The following RNF144B variants were observed in gnomAD, a reference collection of about 807,000 sequenced individuals.
The protein encoded by RNF144B is ring finger protein 144B, also known as E3 ubiquitin-protein ligase RNF144B.
Under a neutral mutation model 40.2 loss-of-function variants are expected in RNF144B, and 25 were observed. That is an observed-to-expected ratio of 0.62 (90% CI 0.45 to 0.87). The LOEUF is 0.87. RNF144B is among the 40% of genes least tolerant of loss of function. The pLI, the probability that RNF144B is intolerant of heterozygous loss-of-function variation, is 0.00. For synonymous variants in RNF144B, 145 were observed against 136.3 expected, an observed-to-expected ratio of 1.06 and a Z score of -0.44; for missense variants, 365 against 373.7, an observed-to-expected ratio of 0.98 and a Z score of 0.19.
In RNF144B at chr6:18,442,681, A is replaced by G. The variant is rs760514389; in HGVS notation, c.331+2937A>G. Among the ~76,000 whole-genome samples the G allele has an allele frequency of 3.9e-5, 6 of 152,174 alleles. No homozygotes were observed. Among genetic ancestry groups the G allele is most frequent in the Non-Finnish European group, 5.9e-5 (4 of 68,024 alleles). ...GCTCTTTCATGATCCCAAATTCTGT[A>G]GCCATTAACCAATAAGTCCTTATTC... On this transcript the variant is annotated intron_variant, in intron 4 of 7. Transcript: ENST00000259939. The surrounding 1 kb of genome is among the most constrained non-coding windows in gnomAD (Gnocchi z 4.3).
chr6:18,387,805 A>G (rs567564668), intron 1 of RNF144B, among the ~76,000 whole-genome samples, 175 bp downstream of exon 1: 2 of 152,228 alleles, frequency 1.3e-5, no homozygotes, highest in African/African-American at 4.8e-5. Flanking sequence ...ACACCTGTTA[A>G]CTTAGAAGAA....
intron 3 of RNF144B, among the ~76,000 whole-genome samples, chr6:18,433,420 A>G (rs562829291): frequency 2.9e-4 from 44 of 152,246 alleles, no homozygotes; most frequent in Admixed American, 2.0e-4. Context: ...TTGTTTTAAA[A>G]TGTACTTAAA....
intron 4 of RNF144B, among the ~76,000 whole-genome samples, chr6:18,449,784 C>T (rs1759169299): frequency 6.6e-6 from 1 of 151,786 alleles, no homozygotes; most frequent in South Asian, 2.1e-4. Flanking sequence ...GTGGTGAAAA[C>T]ATTTTACATC....
At position 18,440,795 on chromosome 6, in the gene RNF144B, G is replaced by GTT. The variant is rs11393909; in HGVS notation, c.331+1064_331+1065dup. On this transcript the variant is annotated intron_variant, in intron 4 of 7. Coordinates refer to ENST00000259939, the MANE Select transcript of RNF144B (RefSeq NM_182757.4). ...ATAACACTGACTTTGTTTTTGTGGT[G>GTT]TTTTTTTTTTTTTTAAAAATCCAGC... 3.0e-3 allele frequency among the ~76,000 whole-genome samples: 338 copies of GTT among 113,274 alleles called. 3 individuals carry two copies. In the East Asian group the frequency reaches 0.042, roughly 14 times the overall value. The allele number at this position is 113,274 out of a possible 152,430, so 74.3% of individuals were successfully genotyped here. A position where few individuals can be genotyped will look rare whatever the true frequency, so the allele number is the denominator to read the frequency against.
At position 18,465,027 on chromosome 6, in the gene RNF144B, G is replaced by A; in HGVS notation, c.872G>A (p.Cys291Tyr). 4 of 1,613,800 alleles carry A rather than the reference G, an allele frequency of 2.5e-6. No homozygotes were observed. Among genetic ancestry groups the A allele is most frequent in the Non-Finnish European group, 2.5e-6 (3 of 1,179,926 alleles). Reference sequence around the variant, plus strand: ...ATAATCTGTTGTGTCTGCAAGTCCTGTCGGGGCAAGAAGAAAAAGCACGAC... The same window carrying A: ...ATAATCTGTTGTGTCTGCAAGTCCTATCGGGGCAAGAAGAAAAAGCACGAC... ...PCIICCVCKS[C>Y]RGKKKKHDPS... is the part of the protein sequence containing the mutation. The change falls in exon 8 of 8, where the codon TGT (cysteine) becomes TAT (tyrosine). Residue 291 changes from cysteine to tyrosine, a missense_variant. Coordinates refer to ENST00000259939, the MANE Select transcript of RNF144B (RefSeq NM_182757.4).
At position 18,444,017 on chromosome 6, in the gene RNF144B, AT is replaced by A. The variant is rs2113520296; in HGVS notation, c.331+4274del. Among the ~76,000 whole-genome samples the A allele has an allele frequency of 6.6e-6, 1 of 152,306 alleles. No individual in the cohort carries two copies. Among genetic ancestry groups the A allele is most frequent in the Admixed American group, 6.5e-5 (1 of 15,302 alleles). On this transcript the variant is annotated intron_variant, in intron 4 of 7. Coordinates refer to ENST00000259939, the MANE Select transcript of RNF144B (RefSeq NM_182757.4). This position sits in a 1 kb window ranked among gnomAD's most constrained non-coding sequence, Gnocchi z 4.3. ...CAGTACTATTTCTTAGTTATAAAAA[AT>A]CATCCTTAGTTTTTTCCAATTCTTA...
In RNF144B at chr6:18,450,644, T is replaced by G. The variant is rs2113527710; in HGVS notation, c.332-6511T>G. ...TTAATACTTCCACCATGGCTAATTT[T>G]AAGCTACCAAGGTAATGTCACTGAA... On this transcript the variant is annotated intron_variant, in intron 4 of 7. Coordinates refer to ENST00000259939, the MANE Select transcript of RNF144B (RefSeq NM_182757.4). The surrounding 1 kb of genome is among the most constrained non-coding windows in gnomAD (Gnocchi z 4.7). Among the ~76,000 whole-genome samples the G allele has an allele frequency of 6.6e-6, 1 of 152,332 alleles. No individual in the cohort carries two copies. Among genetic ancestry groups the G allele is most frequent in the African/African-American group, 2.4e-5 (1 of 41,572 alleles).
In RNF144B at chr6:18,460,211, T is replaced by C. The variant is rs1259018349; in HGVS notation, c.681+460T>C. ...GGCTTTAGGGGAGAATCTGTTTTCT[T>C]GCCTTGGAGGCTGTCCGCTTTCCTT... On this transcript the variant is annotated intron_variant, in intron 6 of 7. Coordinates refer to ENST00000259939, the MANE Select transcript of RNF144B (RefSeq NM_182757.4). This position sits in a 1 kb window ranked among gnomAD's most constrained non-coding sequence, Gnocchi z 4.4. Among the ~76,000 whole-genome samples the C allele has an allele frequency of 1.3e-5, 2 of 152,204 alleles. No individual in the cohort carries two copies.
At chr6:18,389,787 T>G (rs371733343) in intron 1 of RNF144B, among the ~76,000 whole-genome samples, 5 of 152,210 alleles carry the variant, frequency 3.3e-5, no homozygotes, top group African/African-American at 1.2e-4. Flanking sequence ...TGCTTTTCAC[T>G]TGGACTTTGG....
chr6:18,403,843 A>C (rs1183686957), intron 2 of RNF144B, among the ~76,000 whole-genome samples: 1 of 152,226 alleles, frequency 6.6e-6, no homozygotes, highest in Non-Finnish European at 1.5e-5. Flanking sequence ...ACAGCAGAGA[A>C]GGTCAAAGGG....
At position 18,442,384 on chromosome 6, in the gene RNF144B, C is replaced by T. The variant is rs1208854053; in HGVS notation, c.331+2640C>T. Among the ~76,000 whole-genome samples, 8 of 152,080 alleles carry T rather than the reference C, an allele frequency of 5.3e-5. No homozygotes were observed. The highest frequency in any genetic ancestry group is 5.2e-4 in the Admixed American group (8 of 15,270). On this transcript the variant is annotated intron_variant, in intron 4 of 7. Coordinates refer to ENST00000259939, the MANE Select transcript of RNF144B (RefSeq NM_182757.4). The surrounding 1 kb of genome is among the most constrained non-coding windows in gnomAD (Gnocchi z 4.3). ...TTCTCACGAGTTCTGGGCAGATGCC[C>T]CACTGTGGATCCCATGCATTAACAA...
chr6:18,411,483 ATATATATATATATATTTTTTTT>A (rs1795038802), intron 2 of RNF144B, among the ~76,000 whole-genome samples: 2 of 25,676 alleles, frequency 7.8e-5, no homozygotes, highest in Non-Finnish European at 1.8e-4. Flanking sequence ...ATATATATAT[ATATATATATATATATTTTTTTT>A]TTTTTTTTTT....
rs778021555 is a variant in RNF144B, at chr6:18,400,099, G to A, written c.165+400G>A. ...ATCCTAGCTAACATGGTAAAACCCC[G>A]TCTCTACTAAAAATACAAAAGAAAT... is the stretch of plus-strand genomic sequence containing the variant. On this transcript the variant is annotated intron_variant, in intron 2 of 7. Coordinates refer to ENST00000259939, the MANE Select transcript of RNF144B (RefSeq NM_182757.4). This position sits in a 1 kb window ranked among gnomAD's most constrained non-coding sequence, Gnocchi z 5.6. Among the ~76,000 whole-genome samples the A allele has an allele frequency of 3.3e-5, 5 of 151,842 alleles. No homozygotes were observed. Among genetic ancestry groups the A allele is most frequent in the South Asian group, 2.1e-4 (1 of 4,818 alleles).
intron 4 of RNF144B, among the ~76,000 whole-genome samples, chr6:18,455,093 A>T (rs9477747): frequency 0.46 from 69,353 of 152,038 alleles, 16,847 homozygotes; most frequent in Non-Finnish European, 0.55. Flanking sequence ...GTTGTAATAG[A>T]TTGGAAGAAA....
rs955365896 is a variant in RNF144B, at chr6:18,458,292, T to G, written c.536+933T>G. 5.9e-5 allele frequency among the ~76,000 whole-genome samples: 9 copies of G among 152,184 alleles called. No individual in the cohort carries two copies. Among genetic ancestry groups the G allele is most frequent in the Admixed American group, 4.6e-4 (7 of 15,278 alleles). ...TGCCCAGAGTGAGAGACCTCTGTGT[T>G]TCATTCCTGCTTTGCTTGAGGCTAT... On this transcript the variant is annotated intron_variant, in intron 5 of 7. Coordinates refer to ENST00000259939, the MANE Select transcript of RNF144B (RefSeq NM_182757.4). This position sits in a 1 kb window ranked among gnomAD's most constrained non-coding sequence, Gnocchi z 4.8.
rs77686996 is a variant in RNF144B, at chr6:18,460,088, C to A, written c.681+337C>A. On this transcript the variant is annotated intron_variant, in intron 6 of 7. Transcript: ENST00000259939. The surrounding 1 kb of genome is among the most constrained non-coding windows in gnomAD (Gnocchi z 4.4). ...GCACATACTTAGTGGCTTAAAATAC[C>A]ACAAACTTATTATCCCACAGTTCTT... 7.1e-3 allele frequency among the ~76,000 whole-genome samples: 1,075 copies of A among 152,254 alleles called. 9 individuals are homozygous for A. Among genetic ancestry groups the A allele is most frequent in the African/African-American group, 0.023 (958 of 41,532 alleles).
At chr6:18,392,035 TAA>T (rs10643409) in intron 1 of RNF144B, among the ~76,000 whole-genome samples, 11,095 of 70,638 alleles carry the variant, frequency 0.16, 778 homozygotes, top group East Asian at 0.35. Context: ...CCATCTCTAC[TAA>T]AAAAAAAAAA....
rs143827789 is a variant in RNF144B, at chr6:18,464,213, C to T, written c.772-714C>T. On this transcript the variant is annotated intron_variant, in intron 7 of 7. Coordinates refer to ENST00000259939, the MANE Select transcript of RNF144B (RefSeq NM_182757.4). The surrounding 1 kb of genome is among the most constrained non-coding windows in gnomAD (Gnocchi z 6.1). ...AATAGTGTTTTATATTTATTAAAGG[C>T]GGTATTCCTTTGGAGGGAGTCAGTG... is the stretch of plus-strand genomic sequence containing the variant. Among the ~76,000 whole-genome samples, 167 of 152,242 alleles carry T rather than the reference C, an allele frequency of 1.1e-3. No homozygotes were observed. Among genetic ancestry groups the T allele is most frequent in the African/African-American group, 3.5e-3 (147 of 41,536 alleles).
At chr6:18,401,295 A>G (rs908246721) in intron 2 of RNF144B, among the ~76,000 whole-genome samples, 11 of 152,222 alleles carry the variant, frequency 7.2e-5, no homozygotes, top group Admixed American at 5.9e-4. Flanking sequence ...TTCCTGATTC[A>G]AAACAGCATG....
Sources: allele counts gnomAD v4.1 joint callset (sites outside exome capture counted in the v4.1 genomes callset), GRCh38; gene constraint gnomAD v4.1.1; non-coding constraint Gnocchi (gnomAD v3.1); transcripts MANE v1.5; gene names NCBI Gene and HGNC (gene_info 2026-07-23, HGNC 2026-07-21).